Variants in COL5A2 observed in about 807,000 individuals in gnomAD.
COL5A2 encodes the protein collagen type V alpha 2 chain, also known as collagen alpha-2(V) chain.
COL5A2 carries 23 observed loss-of-function variants against 208.2 expected under a neutral mutation model. The observed-to-expected ratio is 0.11, with a 90% CI of 0.08 to 0.16. COL5A2 has a LOEUF of 0.16. Ranked by LOEUF, COL5A2 falls within the 10% of genes least tolerant of loss-of-function variation. The pLI, the probability that COL5A2 is intolerant of heterozygous loss-of-function variation, is 1.00. For missense variants in COL5A2, 1,590 were observed against 1,956.4 expected, an observed-to-expected ratio of 0.81 and a Z score of 3.53; for synonymous variants, 625 against 628.5, an observed-to-expected ratio of 0.99 and a Z score of 0.08.
the COL5A2 span, among the ~76,000 whole-genome samples, chr2:189,316,992 C>T: frequency 6.6e-6 from 1 of 152,028 alleles, no homozygotes; most frequent in South Asian, 2.1e-4. Flanking sequence ...CAAAACATCT[C>T]AAGTATTTCA....
chr2:189,234,086 T>G, the COL5A2 span, among the ~76,000 whole-genome samples: 6 of 151,744 alleles, frequency 4.0e-5, no homozygotes, highest in Admixed American at 3.3e-4. Context: ...GTTCTGTTTT[T>G]AGTTCCACTA....
At chr2:189,348,564 CTCAATGTGTCA>C in the COL5A2 span, among the ~76,000 whole-genome samples, 1 of 152,110 alleles carries the variant, frequency 6.6e-6, no homozygotes. Flanking sequence ...CTGACCATGC[CTCAATGTGTCA>C]TCTTGAGGAA....
chr2:189,375,892 C>G, the COL5A2 span, among the ~76,000 whole-genome samples: 1 of 152,218 alleles, frequency 6.6e-6, no homozygotes, highest in South Asian at 2.1e-4. Context: ...ATCTCCAACT[C>G]TTGCTGGGGA....
chr2:189,043,339 T>C (rs2153507033), intron 47 of COL5A2, 81 bp from the exon 48 acceptor site: 1 of 928,150 alleles, frequency 1.1e-6, no homozygotes, highest in South Asian at 1.5e-5. Context: ...TTACTTTTTA[T>C]AATTGTATTT....
intron 15 of COL5A2, 49 bp from the exon 16 acceptor site, chr2:189,078,618 G>A: frequency 1.4e-6 from 2 of 1,460,160 alleles, no homozygotes; most frequent in South Asian, 1.1e-5. Flanking sequence ...AATTTGAAAT[G>A]TAGAGTAGTC....
the COL5A2 span, among the ~76,000 whole-genome samples, chr2:189,329,713 G>C: frequency 6.6e-6 from 1 of 152,072 alleles, no homozygotes; most frequent in Non-Finnish European, 1.5e-5. Context: ...CCTCAATTCA[G>C]TTTAAAGTGT....
chr2:189,379,974 A>G, the COL5A2 span, among the ~76,000 whole-genome samples: 1 of 152,120 alleles, frequency 6.6e-6, no homozygotes, highest in East Asian at 1.9e-4. Flanking sequence ...GACTTGTCCA[A>G]TATGCACTGG....
At chr2:189,052,113 G>T in intron 41 of COL5A2, 59 bp downstream of exon 41, 2 of 1,359,306 alleles carry the variant, frequency 1.5e-6, no homozygotes, top group East Asian at 2.3e-5. Flanking sequence ...TAACTCAAAT[G>T]TATACGTGTG....
At chr2:189,167,619 T>C (rs987028233) in intron 1 of COL5A2, among the ~76,000 whole-genome samples, 2 of 150,156 alleles carry the variant, frequency 1.3e-5, no homozygotes, top group African/African-American at 4.9e-5. Flanking sequence ...CATCAACAAT[T>C]ATCAAAACTT....
chr2:189,183,520 C>A (rs989750665), upstream of COL5A2, among the ~76,000 whole-genome samples: 3 of 152,144 alleles, frequency 2.0e-5, no homozygotes, highest in Non-Finnish European at 4.4e-5. Flanking sequence ...CTCAATTAAA[C>A]ATCTCCCACT....
At chr2:189,317,732 T>C in the COL5A2 span, among the ~76,000 whole-genome samples, 1 of 152,180 alleles carries the variant, frequency 6.6e-6, no homozygotes, top group East Asian at 1.9e-4. Context: ...AAGTTAGGTA[T>C]GTGGCTTTAA....
rs13385828 is a variant in COL5A2, at chr2:189,071,474, A to G, written c.1158+566T>C. Among the ~76,000 whole-genome samples the G allele has an allele frequency of 4.6e-3, 694 of 152,344 alleles. 5 individuals are homozygous for G. Among genetic ancestry groups the G allele is most frequent in the African/African-American group, 0.015 (641 of 41,582 alleles). On this transcript the variant is annotated intron_variant, in intron 18 of 53. Transcript: ENST00000374866. ...GAACCAATTGTGATTCACTACAAAT[A>G]TTAAGTCATCCCACAGAATACTTTA...
chr2:189,147,867 G>A (rs375406681), intron 1 of COL5A2, among the ~76,000 whole-genome samples: 29 of 152,222 alleles, frequency 1.9e-4, no homozygotes, highest in African/African-American at 6.7e-4. Flanking sequence ...GAAGGAGGAA[G>A]AGAAGCTTTA....
In COL5A2 at chr2:189,169,764, C is replaced by T. The variant is rs530435602; in HGVS notation, c.97+9744G>A. Among the ~76,000 whole-genome samples, 7 of 152,248 alleles carry T rather than the reference C, an allele frequency of 4.6e-5. No homozygotes were observed. In the South Asian group the frequency reaches 8.3e-4, roughly 18 times the overall value. ...TTTGCTCTTGTTGCCCAGGCTGGAG[C>T]GCAATGGCGCGATCTCAGCTCACTG... is the stretch of plus-strand genomic sequence containing the variant. On this transcript the variant is annotated intron_variant, in intron 1 of 53. Transcript: ENST00000374866.
At chr2:189,358,825 G>A in the COL5A2 span, among the ~76,000 whole-genome samples, 1 of 150,980 alleles carries the variant, frequency 6.6e-6, no homozygotes, top group African/African-American at 2.4e-5. Flanking sequence ...GGTACTTTTT[G>A]TAGCTATTAT....
the COL5A2 span, among the ~76,000 whole-genome samples, chr2:189,237,685 A>G: frequency 6.6e-6 from 1 of 151,932 alleles, no homozygotes; most frequent in Non-Finnish European, 1.5e-5. Context: ...ACTATAGACC[A>G]AACAAATTTG....
chr2:189,367,827 A>G, the COL5A2 span, among the ~76,000 whole-genome samples: 5,534 of 152,246 alleles, frequency 0.036, 115 homozygotes, highest in Admixed American at 0.05. Flanking sequence ...AAATATTACT[A>G]CAAATATTTT....
intron 31 of COL5A2, among the ~76,000 whole-genome samples, chr2:189,060,250 T>A (rs777597664): frequency 1.3e-5 from 2 of 152,198 alleles, no homozygotes; most frequent in African/African-American, 2.4e-5. Flanking sequence ...ACTCTCTGAA[T>A]CCTACTATAC....
At chr2:189,436,506 C>G in the COL5A2 span, among the ~76,000 whole-genome samples, 1 of 151,902 alleles carries the variant, frequency 6.6e-6, no homozygotes, top group Non-Finnish European at 1.5e-5. Flanking sequence ...CACATGTACC[C>G]TAGAACTTAA....
Sources: allele counts gnomAD v4.1 joint callset (sites outside exome capture counted in the v4.1 genomes callset), GRCh38; gene constraint gnomAD v4.1.1; transcripts MANE v1.5; gene names NCBI Gene and HGNC (gene_info 2026-07-23, HGNC 2026-07-21).